The following DLC1 variants were observed in gnomAD, a reference collection of about 807,000 sequenced individuals.
DLC1 encodes rho GTPase-activating protein 7.
In DLC1, 54 loss-of-function variants were observed where a neutral mutation model predicts 140.3. The ratio of observed to expected loss-of-function variants is 0.38; its 90% CI spans 0.31 to 0.48. DLC1 has a LOEUF of 0.48. Among genes scored for constraint, DLC1 ranks in the 20% least tolerant of loss-of-function variants. DLC1 has a pLI of 0.96. For synonymous variants in DLC1, 986 were observed against 728.1 expected, an observed-to-expected ratio of 1.35 and a Z score of -5.70; for missense variants, 2,536 against 1,907.0, an observed-to-expected ratio of 1.33 and a Z score of -6.14.
chr8:13,352,168 A>G (rs1019546550), intron 4 of DLC1, among the ~76,000 whole-genome samples: 1 of 152,212 alleles, frequency 6.6e-6, no homozygotes, highest in African/African-American at 2.4e-5. Context: ...AGTCATTGTG[A>G]TCCTTGTTGG....
At chr8:13,560,061 G>A (rs576365796) in intron 1 of DLC1, among the ~76,000 whole-genome samples, 1 of 152,154 alleles carries the variant, frequency 6.6e-6, no homozygotes, top group Non-Finnish European at 1.5e-5. Context: ...AGTAGCAAAA[G>A]AGATGGTACA....
chr8:13,238,957 C>G (rs1490011659), intron 5 of DLC1, among the ~76,000 whole-genome samples: 1 of 152,106 alleles, frequency 6.6e-6, no homozygotes, highest in African/African-American at 2.4e-5. Flanking sequence ...GTGCACAGTC[C>G]CTGGCGTCAG....
intron 4 of DLC1, among the ~76,000 whole-genome samples, chr8:13,375,130 C>G (rs1393140970): frequency 6.6e-6 from 1 of 151,280 alleles, no homozygotes; most frequent in Non-Finnish European, 1.5e-5. Flanking sequence ...CGGCTTCACG[C>G]CATTCTCCTG....
At chr8:13,132,906 C>A (rs774842431) in intron 5 of DLC1, 1 of 1,570,520 alleles carries the variant, frequency 6.4e-7, no homozygotes, top group East Asian at 2.3e-5. Context: ...AGCCCGCTCC[C>A]GCGGCCAGCC....
At chr8:13,560,520 C>A (rs186623340) in intron 1 of DLC1, among the ~76,000 whole-genome samples, 35 of 152,196 alleles carry the variant, frequency 2.3e-4, no homozygotes, top group South Asian at 2.1e-4. Flanking sequence ...AGAAAATCAC[C>A]AGCAGTTTTC....
rs572932967 is a variant in DLC1 at position 13,168,774 on chromosome 8, C to G, written c.1349-53117G>C. Among the ~76,000 whole-genome samples, 3 of 152,338 alleles carry G rather than the reference C, an allele frequency of 2.0e-5. No individual in the cohort carries two copies. The South Asian group carries it at 6.2e-4, about 32-fold the overall frequency. On this transcript the variant is annotated intron_variant, in intron 5 of 17. Transcript: ENST00000276297. ...AACCGATTATCGACAGGCATTAGAT[C>G]TGTCAAACGGACACACGGGTGACCT... is the stretch of plus-strand genomic sequence containing the variant.
At chr8:13,424,790 G>T (rs558117) in intron 2 of DLC1, among the ~76,000 whole-genome samples, 2,768 of 152,036 alleles carry the variant, frequency 0.018, 83 homozygotes, top group African/African-American at 0.064. Flanking sequence ...AGCCAGGATG[G>T]TCTTGGTCTC....
chr8:13,204,346 T>A (rs1827550880), intron 5 of DLC1, among the ~76,000 whole-genome samples: 1 of 152,306 alleles, frequency 6.6e-6, no homozygotes, highest in Middle Eastern at 3.4e-3. Context: ...TCATTCACTT[T>A]CTGTTACTTG....
chr8:13,095,434 T>C, intron 10 of DLC1, 189 bp from the exon 11 acceptor site: 1 of 658,896 alleles, frequency 1.5e-6, no homozygotes, highest in Admixed American at 2.9e-5. Flanking sequence ...AGGTGCTCCT[T>C]CATCTTTTGT....
chr8:13,236,641 G>A (rs1829295260), intron 5 of DLC1, among the ~76,000 whole-genome samples: 1 of 152,090 alleles, frequency 6.6e-6, no homozygotes, highest in African/African-American at 2.4e-5. Flanking sequence ...TTACAACTCT[G>A]AGACAGGTAA....
In DLC1 at chr8:13,239,112, G is replaced by T. The variant is rs76251036; in HGVS notation, c.1348+66157C>A. Among the ~76,000 whole-genome samples, 1,160 of 152,244 alleles carry T rather than the reference G, an allele frequency of 7.6e-3. 6 individuals are homozygous for T. The highest frequency in any genetic ancestry group is 0.012 in the Non-Finnish European group (815 of 68,010). ...TTGGGTAAGAACAGTTTGAGTGTGC[G>T]TATCTGGGGTCATAGGTTTCTTATC... On this transcript the variant is annotated intron_variant, in intron 5 of 17. Transcript: ENST00000276297.
Position 13,502,904 on chromosome 8 carries a change from C to G in DLC1, c.-125-2708G>C, listed in dbSNP as rs564207240. ...GAATTTCCATGGGGATTTTTCACTT[C>G]TTAAATTCATGTGTTCAAGCACCGT... On this transcript the variant is annotated intron_variant, in intron 1 of 17. Coordinates refer to ENST00000276297, the MANE Select transcript of DLC1 (RefSeq NM_182643.3). Among the ~76,000 whole-genome samples the G allele has an allele frequency of 6.6e-4, 100 of 152,246 alleles. 2 individuals are homozygous for G. The South Asian group carries it at 0.021, about 31-fold the overall frequency.
chr8:13,190,850 GA>G (rs2117024097), intron 5 of DLC1, among the ~76,000 whole-genome samples: 1 of 152,256 alleles, frequency 6.6e-6, no homozygotes, highest in South Asian at 2.1e-4. Context: ...AGTGTGGGGG[GA>G]AGTTGAAGGA....
chr8:13,129,801 T>C (rs1030009084), intron 5 of DLC1, among the ~76,000 whole-genome samples: 4 of 152,218 alleles, frequency 2.6e-5, no homozygotes, highest in Admixed American at 1.3e-4. Flanking sequence ...GATTTGGCAA[T>C]AGCCAGGGAG....
chr8:13,100,765 G>A lies in DLC1; in HGVS notation c.1572C>T (p.Asp524=), dbSNP rs566023348. The A allele has an allele frequency of 2.1e-5, 33 of 1,560,154 alleles. 1 individual carries two copies. The highest frequency in any genetic ancestry group is 1.7e-4 in the Middle Eastern group (1 of 5,774). The change falls in exon 9 of 18, where the codon GAC becomes GAT. Residue 524 remains aspartate (D), a synonymous_variant. Coordinates refer to ENST00000276297, the MANE Select transcript of DLC1 (RefSeq NM_182643.3). Reference sequence around the variant, plus strand: ...CACAAGGCTCATCCTCGTCTGAATCGTCACTCTGCAAAGACAGAAAGGAGC... The same window carrying A: ...CACAAGGCTCATCCTCGTCTGAATCATCACTCTGCAAAGACAGAAAGGAGC... ...LEISPHRKRS[D]DSDEDEPCAI... is the part of the protein sequence containing the mutation.
chr8:13,440,876 C>T (rs776422353), intron 2 of DLC1, among the ~76,000 whole-genome samples: 1 of 152,142 alleles, frequency 6.6e-6, no homozygotes, highest in Non-Finnish European at 1.5e-5. Context: ...CCTCTCCAGC[C>T]ATGTGGAACT....
Position 13,085,575 on chromosome 8 carries a change from AAT to A in DLC1, c.*234_*235del. ...AGCAATTTGAATAAGAATACACATA[AAT>A]TTTTTTTTTTTTTTTGCACAGTCTT... On this transcript the variant is annotated 3_prime_UTR_variant, in exon 18 of 18. Coordinates refer to ENST00000276297, the MANE Select transcript of DLC1 (RefSeq NM_182643.3). The A allele has an allele frequency of 2.5e-6, 1 of 396,070 alleles. No homozygotes were observed. The highest frequency in any genetic ancestry group is 4.3e-6 in the Non-Finnish European group (1 of 233,744). 24.5% of individuals were successfully genotyped at this position (396,070 alleles called of 1,614,324 possible). A position where few individuals can be genotyped will look rare whatever the true frequency, so the allele number is the denominator to read the frequency against.
intron 4 of DLC1, among the ~76,000 whole-genome samples, chr8:13,360,964 C>T (rs1240079123): frequency 1.3e-5 from 2 of 151,910 alleles, no homozygotes; most frequent in Non-Finnish European, 2.9e-5. Flanking sequence ...GCTGCAGCGG[C>T]TCATGCCTGC....
chr8:13,570,422 T>A, intron 1 of DLC1, among the ~76,000 whole-genome samples: 1 of 146,164 alleles, frequency 6.8e-6, no homozygotes. Context: ...ATTAGGTATA[T>A]CTCCCAATGC....
Sources: gnomAD v4.1 joint callset for allele counts (sites outside exome capture counted in the v4.1 genomes callset) on GRCh38, gnomAD v4.1.1 for gene constraint, MANE v1.5 for transcripts, NCBI Gene and HGNC (gene_info 2026-07-23, HGNC 2026-07-21) for gene names.